The following SGK1 variants were observed in gnomAD, a reference collection of about 807,000 sequenced individuals.
SGK1 encodes the protein serine/threonine-protein kinase Sgk1.
SGK1 carries 26 observed loss-of-function variants against 64.2 expected under a neutral mutation model. That is an observed-to-expected ratio of 0.40 (90% CI 0.30 to 0.56). The LOEUF (loss-of-function observed/expected upper bound fraction) is 0.56. SGK1 is among the 20% of genes least tolerant of loss of function. SGK1 has a pLI of 0.38. For missense variants in SGK1, 519 were observed against 645.6 expected (o/e 0.80, Z 2.12); for synonymous variants, 265 against 239.7 (o/e 1.11, Z -0.98).
chr6:134,170,996 C>A (rs375575573), intron 12 of SGK1, 27 bp downstream of exon 12: 1 of 1,613,744 alleles, frequency 6.2e-7, no homozygotes, highest in South Asian at 1.1e-5. Context: ...CCCGGCCGGC[C>A]CAGGAGGACA....
At chr6:134,241,592 A>C (rs981298875) in intron 2 of SGK1, among the ~76,000 whole-genome samples, 1 of 151,932 alleles carries the variant, frequency 6.6e-6, no homozygotes, top group African/African-American at 2.4e-5. Flanking sequence ...TCCTAGATTG[A>C]AATCACATGT....
intron 2 of SGK1, chr6:134,260,248 G>T (rs7766311): frequency 0.15 from 22,256 of 151,594 alleles, 1,931 homozygotes; most frequent in African/African-American, 0.24. Context: ...ACTTGGGAGG[G>T]TTGAGGTGGG....
chr6:134,297,584 G>A (rs1201743106), intron 1 of SGK1: 1 of 486,142 alleles, frequency 2.1e-6, no homozygotes, highest in African/African-American at 2.0e-5. Flanking sequence ...CTCACTGCAA[G>A]CTCCGCCTCC....
chr6:134,264,642 TA>T (rs1243908420), intron 1 of SGK1, among the ~76,000 whole-genome samples: 1 of 151,256 alleles, frequency 6.6e-6, no homozygotes, highest in Non-Finnish European at 1.5e-5. Context: ...TTATTATTAT[TA>T]TTTTTGTTGT....
intron 3 of SGK1, among the ~76,000 whole-genome samples, chr6:134,180,497 T>C (rs1775314779): frequency 1.3e-5 from 2 of 152,184 alleles, no homozygotes; most frequent in South Asian, 4.1e-4. Flanking sequence ...CATAAGATTA[T>C]GAAAAATGAT....
intron 2 of SGK1, among the ~76,000 whole-genome samples, chr6:134,223,275 G>A (rs1776119371): frequency 6.6e-6 from 1 of 151,840 alleles, no homozygotes; most frequent in Non-Finnish European, 1.5e-5. Context: ...GGCTGAGGAA[G>A]GAGAATCGCT....
intron 1 of SGK1, among the ~76,000 whole-genome samples, chr6:134,294,370 C>T (rs1443937896): frequency 1.3e-5 from 2 of 152,168 alleles, no homozygotes; most frequent in African/African-American, 4.8e-5. Flanking sequence ...AACTGAAGCT[C>T]CATACCCATG....
chr6:134,189,229 C>CGT (rs200751344), intron 3 of SGK1, among the ~76,000 whole-genome samples: 2,711 of 100,242 alleles, frequency 0.027, 79 homozygotes, highest in African/African-American at 0.088. Flanking sequence ...TGTGTGTGTG[C>CGT]GTGTGCGTGT....
Position 134,262,014 on chromosome 6 carries a change from G to A in SGK1, c.204C>T (p.Cys68=). 6.2e-7 allele frequency: 1 copy of A among 1,613,818 alleles called. No homozygotes were observed. Among genetic ancestry groups the A allele is most frequent in the South Asian group, 1.1e-5 (1 of 91,084 alleles). The change falls in exon 2 of 14, where the codon TGC becomes TGT. Residue 68 remains cysteine, a synonymous_variant. Coordinates refer to ENST00000367858, the MANE Select transcript of SGK1 (RefSeq NM_001143676.3). ...CTCTTTGGAAAGCATGTTCACCCAG[G>A]CATGTTTGACACAAGGAAGACTCGA... The part of the protein sequence containing the change: ...PDFESSLCQT[C]LGEHAFQRGV...
At chr6:134,174,138 C>A in intron 4 of SGK1, 58 bp from the exon 5 acceptor site, 2 of 1,278,178 alleles carry the variant, frequency 1.6e-6, no homozygotes, top group Non-Finnish European at 1.1e-6. Flanking sequence ...GGCACACCAA[C>A]ATCAAAAGTG....
chr6:134,250,706 T>TA (rs995775440), intron 2 of SGK1, among the ~76,000 whole-genome samples: 131 of 152,320 alleles, frequency 8.6e-4, no homozygotes, highest in African/African-American at 3.1e-3. Flanking sequence ...TCCCCAAAGG[T>TA]AAACTTTAGG....
intron 3 of SGK1, chr6:134,180,302 C>A (rs2114652860): frequency 6.6e-6 from 1 of 152,208 alleles, no homozygotes; most frequent in African/African-American, 2.4e-5. Flanking sequence ...CTTTCTCAGG[C>A]TGAAAACTTA....
At chr6:134,300,585 G>A (rs1179827137) in intron 1 of SGK1, among the ~76,000 whole-genome samples, 22 of 149,718 alleles carry the variant, frequency 1.5e-4, no homozygotes, top group Middle Eastern at 3.6e-3. Context: ...TTGCACCAAG[G>A]GATAGGCCCT....
chr6:134,175,527 C>A, intron 3 of SGK1: 1 of 1,470,802 alleles, frequency 6.8e-7, no homozygotes, highest in Non-Finnish European at 9.1e-7. Flanking sequence ...CCCAGCGGGG[C>A]CGGCGGCGGC....
chr6:134,293,972 G>C (rs1369212501), intron 1 of SGK1, among the ~76,000 whole-genome samples: 1 of 152,154 alleles, frequency 6.6e-6, no homozygotes, highest in Non-Finnish European at 1.5e-5. Flanking sequence ...TAGGATTTTA[G>C]CAACACACAT....
At chr6:134,175,857 G>T in intron 3 of SGK1, 6 of 1,134,924 alleles carry the variant, frequency 5.3e-6, no homozygotes, top group East Asian at 4.8e-5. Context: ...AAGCAAGGCT[G>T]AAAAATCCCA....
chr6:134,298,436 G>T, intron 1 of SGK1: 2 of 917,576 alleles, frequency 2.2e-6, no homozygotes, highest in Non-Finnish European at 1.8e-6. Context: ...TTTTGGGTGC[G>T]CAGGCCTGGA....
At chr6:134,269,277 A>ATT (rs71838612) in intron 1 of SGK1, among the ~76,000 whole-genome samples, 1 of 139,590 alleles carries the variant, frequency 7.2e-6, no homozygotes, top group African/African-American at 2.5e-5. Flanking sequence ...CCAAACAGGC[A>ATT]TTTTTTTTTT....
chr6:134,273,689 G>T (rs764343509), intron 1 of SGK1, among the ~76,000 whole-genome samples: 11 of 149,926 alleles, frequency 7.3e-5, no homozygotes, highest in Non-Finnish European at 1.5e-4. Flanking sequence ...GATGGCAGAA[G>T]CCCAAATACA....
Sources: gnomAD v4.1 joint callset for allele counts (sites outside exome capture counted in the v4.1 genomes callset) on GRCh38, gnomAD v4.1.1 for gene constraint, MANE v1.5 for transcripts, NCBI Gene and HGNC (gene_info 2026-07-23, HGNC 2026-07-21) for gene names.